Variants in DOCK4 observed in about 807,000 individuals in gnomAD.
DOCK4 encodes dedicator of cytokinesis 4, also known as dedicator of cytokinesis protein 4.
Under a neutral mutation model 268.1 loss-of-function variants are expected in DOCK4, and 97 were observed. The ratio of observed to expected loss-of-function variants is 0.36; its 90% CI spans 0.31 to 0.43. The LOEUF (loss-of-function observed/expected upper bound fraction) is 0.43. Ranked by LOEUF, DOCK4 falls within the 20% of genes least tolerant of loss-of-function variation. The pLI, the probability that DOCK4 is intolerant of heterozygous loss-of-function variation, is 1.00. For synonymous variants in DOCK4, 954 were observed against 887.2 expected, an observed-to-expected ratio of 1.08 and a Z score of -1.34; for missense variants, 2,145 against 2,455.7, an observed-to-expected ratio of 0.87 and a Z score of 2.67.
intron 27 of DOCK4, chr7:111,820,892 G>C (rs1382187845): frequency 6.6e-6 from 1 of 152,100 alleles, no homozygotes; most frequent in Non-Finnish European, 1.5e-5. Flanking sequence ...CAGAATGTTT[G>C]CTCTTTGGTT....
At chr7:112,137,336 G>A (rs1323894323) in intron 1 of DOCK4, among the ~76,000 whole-genome samples, 3 of 152,090 alleles carry the variant, frequency 2.0e-5, no homozygotes. Context: ...ACCTCACAGC[G>A]AGCTCCTGCT....
intron 1 of DOCK4, among the ~76,000 whole-genome samples, chr7:112,135,003 G>A (rs1814191326): frequency 6.6e-6 from 1 of 151,872 alleles, no homozygotes; most frequent in Non-Finnish European, 1.5e-5. Flanking sequence ...GTGTGTGTGT[G>A]TGTATATATA....
At chr7:112,105,783 G>T (rs537261565) in intron 1 of DOCK4, among the ~76,000 whole-genome samples, 82 of 151,406 alleles carry the variant, frequency 5.4e-4, no homozygotes, top group Non-Finnish European at 1.1e-3. Context: ...TGACCTCCTG[G>T]GCTCAAGCAA....
chr7:111,990,858 A>G (rs578234757), intron 5 of DOCK4, among the ~76,000 whole-genome samples: 52 of 152,298 alleles, frequency 3.4e-4, no homozygotes, highest in African/African-American at 1.2e-3. Flanking sequence ...TATCCCTAAC[A>G]GCCGGAGAAT....
chr7:112,050,453 T>C (rs571146035), intron 1 of DOCK4, among the ~76,000 whole-genome samples: 1 of 152,272 alleles, frequency 6.6e-6, no homozygotes, highest in East Asian at 1.9e-4. Flanking sequence ...GTAATCCACA[T>C]AGATTACATA....
At chr7:112,116,672 G>A (rs1277136240) in intron 1 of DOCK4, among the ~76,000 whole-genome samples, 1 of 152,204 alleles carries the variant, frequency 6.6e-6, no homozygotes, top group Non-Finnish European at 1.5e-5. Context: ...TGAAGAGCCT[G>A]TTCTTTAGAC....
chr7:112,050,397 C>T (rs1486318595), intron 1 of DOCK4, among the ~76,000 whole-genome samples: 1 of 152,044 alleles, frequency 6.6e-6, no homozygotes, highest in African/African-American at 2.4e-5. Context: ...CAGCACAATC[C>T]TAAACATGGT....
chr7:111,742,983 C>CTCTG (rs1491086528), intron 44 of DOCK4, among the ~76,000 whole-genome samples: 1 of 151,564 alleles, frequency 6.6e-6, no homozygotes, highest in East Asian at 1.9e-4. Context: ...CAGAGCTAGA[C>CTCTG]TCTGTCTCCA....
chr7:111,934,835 G>A (rs1416834063), intron 12 of DOCK4, among the ~76,000 whole-genome samples: 6 of 151,320 alleles, frequency 4.0e-5, no homozygotes, highest in African/African-American at 9.8e-5. Context: ...CACTGCGCCC[G>A]GCCGCGAAGC....
At chr7:112,071,569 G>A (rs955529104) in intron 1 of DOCK4, among the ~76,000 whole-genome samples, 4 of 152,172 alleles carry the variant, frequency 2.6e-5, no homozygotes, top group South Asian at 2.1e-4. Context: ...ATTATTACTC[G>A]AAATTGAATG....
At chr7:111,830,407 CAGAGCGAGACTCATTCTCA>C (rs1325257989) in intron 26 of DOCK4, among the ~76,000 whole-genome samples, 9 of 151,412 alleles carry the variant, frequency 5.9e-5, no homozygotes, top group Non-Finnish European at 1.0e-4. Flanking sequence ...GCCTGGGCGA[CAGAGCGAGACTCATTCTCA>C]AAACAAAACA....
chr7:112,201,698 T>G (rs1403906352), intron 1 of DOCK4, among the ~76,000 whole-genome samples: 1 of 152,058 alleles, frequency 6.6e-6, no homozygotes, highest in African/African-American at 2.4e-5. Context: ...GATGAGGACA[T>G]GCAGGAGGTA....
At chr7:111,924,018 T>C (rs552622376) in intron 12 of DOCK4, among the ~76,000 whole-genome samples, 19 of 152,240 alleles carry the variant, frequency 1.2e-4, no homozygotes, top group Admixed American at 2.0e-4. Context: ...AAAAACTGTA[T>C]ACCAGTGCCT....
At chr7:111,942,826 A>T (rs556782775) in intron 10 of DOCK4, among the ~76,000 whole-genome samples, 1 of 152,210 alleles carries the variant, frequency 6.6e-6, no homozygotes. Context: ...CTGCGTCAGG[A>T]ATAAGAACTC....
chr7:111,857,744 C>G (rs1052882749), intron 23 of DOCK4, among the ~76,000 whole-genome samples: 1 of 151,554 alleles, frequency 6.6e-6, no homozygotes, highest in East Asian at 1.9e-4. Context: ...CTCGCTATCA[C>G]GCCCTAAACT....
intron 8 of DOCK4, among the ~76,000 whole-genome samples, chr7:111,946,716 G>A (rs1203229588): frequency 3.9e-5 from 6 of 152,064 alleles, no homozygotes; most frequent in African/African-American, 1.4e-4. Context: ...TCAGTAGCTG[G>A]GATTACAGGT....
chr7:111,973,767 G>A (rs1797918398), intron 8 of DOCK4, among the ~76,000 whole-genome samples: 1 of 151,852 alleles, frequency 6.6e-6, no homozygotes, highest in African/African-American at 2.4e-5. Context: ...AAAGGAATGT[G>A]GTTAAAACAA....
chr7:112,199,219 T>C (rs1820716550), intron 1 of DOCK4, among the ~76,000 whole-genome samples: 1 of 152,216 alleles, frequency 6.6e-6, no homozygotes, highest in Non-Finnish European at 1.5e-5. Context: ...ATATGAGTGA[T>C]AACTGAATCC....
Position 111,767,121 on chromosome 7 carries a change from G to A in DOCK4, c.3829-3C>T. On this transcript the variant is annotated splice_polypyrimidine_tract_variant and splice_region_variant and intron_variant, in intron 37 of 52. Coordinates refer to ENST00000428084, the MANE Select transcript of DOCK4 (RefSeq NM_001363540.2). The stretch of plus-strand genomic sequence containing the variant: ...AAGATAATGCCATTCTCCCAACACT[G>A]TGGACAAATGAATGAGATCAATGGA... The A allele has an allele frequency of 6.2e-7, 1 of 1,611,560 alleles. No homozygotes were observed. Among genetic ancestry groups the A allele is most frequent in the African/African-American group, 1.3e-5 (1 of 74,856 alleles).
Sources: allele counts gnomAD v4.1 joint callset (sites outside exome capture counted in the v4.1 genomes callset), GRCh38; gene constraint gnomAD v4.1.1; transcripts MANE v1.5; gene names NCBI Gene and HGNC (gene_info 2026-07-23, HGNC 2026-07-21).